Variants in HSH2D observed in about 807,000 individuals in gnomAD.
The protein encoded by HSH2D is hematopoietic SH2 domain-containing protein.
In HSH2D, 16 loss-of-function variants were observed where a neutral mutation model predicts 21.5. The observed-to-expected ratio is 0.74, with a 90% CI of 0.50 to 1.13. HSH2D has a LOEUF of 1.13. Ranked by LOEUF, HSH2D falls within the 50% of genes most tolerant of loss-of-function variation. The pLI is 0.00. For missense variants in HSH2D, 418 were observed against 441.4 expected, an observed-to-expected ratio of 0.95 and a Z score of 0.47; for synonymous variants, 172 against 184.7, an observed-to-expected ratio of 0.93 and a Z score of 0.56.
rs553544409 is a variant in HSH2D, at chr19:16,147,450, C to G, written c.-27-1274C>G. 7.5e-4 allele frequency among the ~76,000 whole-genome samples: 111 copies of G among 147,352 alleles called. 1 individual carries two copies. The highest frequency in any genetic ancestry group is 1.3e-3 in the Non-Finnish European group (87 of 67,044). On this transcript the variant is annotated intron_variant, in intron 1 of 5. Coordinates refer to ENST00000613986, the MANE Select transcript of HSH2D (RefSeq NM_001382417.1). ...AGTGAGCCAAGATGGGGCCACTGCA[C>G]TCCAGCCTGGGTGACAGAGTGAGAC...
chr19:16,156,262 A>T (rs1224589895), intron 5 of HSH2D, among the ~76,000 whole-genome samples: 4 of 151,908 alleles, frequency 2.6e-5, no homozygotes, highest in African/African-American at 9.7e-5. Flanking sequence ...AGGTGGGAGG[A>T]TTGCTTGAGC....
chr19:16,134,841 G>A (rs1380077161), intron 1 of HSH2D, among the ~76,000 whole-genome samples: 1 of 152,044 alleles, frequency 6.6e-6, no homozygotes, highest in African/African-American at 2.4e-5. Flanking sequence ...CTCCCCAGGG[G>A]CTGGGGTGTG....
At chr19:16,146,937 T>C (rs1051098973) in intron 1 of HSH2D, among the ~76,000 whole-genome samples, 4 of 151,766 alleles carry the variant, frequency 2.6e-5, no homozygotes, top group African/African-American at 9.7e-5. Context: ...GCAATTCTCC[T>C]GCCTCAGCCT....
At chr19:16,150,100 A>C (rs1231448811) in intron 2 of HSH2D, among the ~76,000 whole-genome samples, 1 of 152,182 alleles carries the variant, frequency 6.6e-6, no homozygotes, top group African/African-American at 2.4e-5. Context: ...CAATTTAAAA[A>C]AATTTTAGTA....
chr19:16,143,912 A>G (rs1195472803), intron 1 of HSH2D, 138 bp downstream of exon 1: 2 of 260,410 alleles, frequency 7.7e-6, no homozygotes, highest in South Asian at 2.8e-5. Context: ...TTCGTGGAGG[A>G]GGGGGTATTT....
Position 16,153,103 on chromosome 19 carries a change from C to A in HSH2D, c.276C>A (p.Ile92=), listed in dbSNP as rs751443761. ...VKLLDDGTFM[I]PGEKVAHTSL... is the part of the protein sequence containing the mutation. ...TCTTGGATGATGGGACTTTCATGAT[C>A]CCCGGGGAGAAGGTGGCCCACACCT... Residue 92 remains isoleucine (I), a synonymous_variant, in exon 4 of 6, where the codon ATC becomes ATA. Coordinates refer to ENST00000613986, the MANE Select transcript of HSH2D (RefSeq NM_001382417.1). 3.1e-6 allele frequency: 5 copies of A among 1,608,942 alleles called. No individual in the cohort carries two copies. The highest frequency in any genetic ancestry group is 4.2e-6 in the Non-Finnish European group (5 of 1,177,912).
upstream of HSH2D, among the ~76,000 whole-genome samples, chr19:16,141,606 G>A (rs746394365): frequency 7.2e-5 from 11 of 152,130 alleles, no homozygotes; most frequent in African/African-American, 1.4e-4. Flanking sequence ...GGACCACATC[G>A]GTCTTAATGC....
At chr19:16,134,169 A>G (rs755741189) in exon 1 of HSH2D, 5 of 152,392 alleles carry the variant, frequency 3.3e-5, no homozygotes, top group Non-Finnish European at 7.3e-5. Context: ...AGAAGCATCC[A>G]GAATCCTCTC....
At chr19:16,137,244 A>T (rs561535072) in intron 1 of HSH2D, among the ~76,000 whole-genome samples, 4 of 152,198 alleles carry the variant, frequency 2.6e-5, no homozygotes, top group Non-Finnish European at 5.9e-5. Flanking sequence ...GCACAGGTAC[A>T]TACATAATGA....
In HSH2D at chr19:16,152,489, G is replaced by C. The variant is rs558813360; in HGVS notation, c.126-63G>C. ...TCCATGAATGATCCCATGGCCCCAG[G>C]AGTCTAACTGGTACGTGGGGCGGCT... On this transcript the variant is annotated intron_variant, in intron 2 of 5. Transcript: ENST00000613986. The C allele has an allele frequency of 5.2e-6, 5 of 966,358 alleles. No individual in the cohort carries two copies. In the East Asian group the frequency reaches 8.5e-5, roughly 16 times the overall value. The allele number at this position is 966,358 out of a possible 1,614,324, so 59.9% of individuals were successfully genotyped here. A position where few individuals can be genotyped will look rare whatever the true frequency, so the allele number is the denominator to read the frequency against.
upstream of HSH2D, chr19:16,143,664 C>T (rs762721919): frequency 3.1e-5 from 13 of 419,880 alleles, no homozygotes; most frequent in African/African-American, 8.3e-5. Context: ...GGAACTGCCT[C>T]GGGGCAGCCA....
At position 16,157,456 on chromosome 19, in the gene HSH2D, G is replaced by C. The variant is rs2091252469; in HGVS notation, c.721G>C (p.Val241Leu). Residue 241 changes from valine to leucine, a missense_variant, in exon 6 of 6, where the codon GTG becomes CTG. By Grantham distance (32) the Val-to-Leu change is conservative (BLOSUM62 1). Transcript: ENST00000613986. The surrounding 1 kb of genome is among the most constrained non-coding windows in gnomAD (Gnocchi z 4.4). The stretch of plus-strand genomic sequence containing the variant: ...ACTCTTGGATGTCCGGAGATCCACG[G>C]TGATCTCAGGCCCTGGGACCGGAAA... ...SSLLDVRRST[V>L]ISGPGTGKGS... 1 of 1,613,732 alleles carries C rather than the reference G, an allele frequency of 6.2e-7. No homozygotes were observed. Among genetic ancestry groups the C allele is most frequent in the Non-Finnish European group, 8.5e-7 (1 of 1,179,868 alleles).
intron 1 of HSH2D, among the ~76,000 whole-genome samples, chr19:16,147,649 G>GT (rs2091091456): frequency 6.7e-6 from 1 of 150,370 alleles, no homozygotes; most frequent in South Asian, 2.1e-4. Context: ...GTTTTGTTTT[G>GT]TTTTGTTTTG....
chr19:16,153,984 A>C (rs1408329629), intron 4 of HSH2D, among the ~76,000 whole-genome samples: 4 of 149,912 alleles, frequency 2.7e-5, no homozygotes, highest in Non-Finnish European at 3.0e-5. Context: ...CTAGCTCCCA[A>C]GAAATTGTGG....
intron 1 of HSH2D, among the ~76,000 whole-genome samples, chr19:16,148,379 CCT>C (rs1253055595): frequency 2.0e-5 from 3 of 151,944 alleles, no homozygotes; most frequent in African/African-American, 7.3e-5. Flanking sequence ...AAACTCCTGA[CCT>C]CAGGTGATCT....
chr19:16,147,147 T>G (rs1284528595), intron 1 of HSH2D, among the ~76,000 whole-genome samples: 1 of 152,022 alleles, frequency 6.6e-6, no homozygotes, highest in African/African-American at 2.4e-5. Flanking sequence ...ATTCTTAAAT[T>G]TCAAAACATT....
intron 5 of HSH2D, chr19:16,155,559 C>G (rs1332791996): frequency 1.3e-5 from 2 of 151,184 alleles, no homozygotes; most frequent in African/African-American, 4.9e-5. Flanking sequence ...AGGTGAGGAG[C>G]TGGGATTCTA....
At chr19:16,148,294 G>A (rs889740604) in intron 1 of HSH2D, among the ~76,000 whole-genome samples, 2 of 151,762 alleles carry the variant, frequency 1.3e-5, no homozygotes, top group African/African-American at 2.4e-5. Flanking sequence ...GATTACAAGT[G>A]CCCACCACCA....
rs868213276 is a variant in HSH2D at position 16,153,173 on chromosome 19, C to T, written c.346C>T (p.Pro116Ser). ...CTTCCACCAGCAGAAGCCAATTGAG[C>T]CGCGCAGGGAGCTGCTGACACAGCC... ...VTFHQQKPIE[P>S]RRELLTQPCR... Residue 116 changes from proline to serine, a missense_variant, in exon 4 of 6, where the codon CCG becomes TCG. Physicochemically the swap from Pro to Ser is moderately conservative, Grantham distance 74. Transcript: ENST00000613986. 1.3e-6 allele frequency: 2 copies of T among 1,566,280 alleles called. No individual in the cohort carries two copies. Among genetic ancestry groups the T allele is most frequent in the Non-Finnish European group, 1.7e-6 (2 of 1,157,000 alleles).
Sources: gnomAD v4.1 joint callset for allele counts (sites outside exome capture counted in the v4.1 genomes callset) on GRCh38, gnomAD v4.1.1 for gene constraint, Gnocchi (gnomAD v3.1) non-coding constraint, MANE v1.5 for transcripts, NCBI Gene and HGNC (gene_info 2026-07-23, HGNC 2026-07-21) for gene names.